The following CDH18 variants were observed in gnomAD, a reference collection of about 807,000 sequenced individuals.
CDH18 encodes cadherin 18, also known as cadherin-18.
A neutral mutation model predicts 67.9 loss-of-function variants in CDH18; 31 were observed. The observed-to-expected ratio is 0.46, with a 90% confidence interval of 0.34 to 0.62. The LOEUF (loss-of-function observed/expected upper bound fraction) is 0.62. CDH18 is among the 20% of genes least tolerant of loss of function. The pLI, the probability that CDH18 is intolerant of heterozygous loss-of-function variation, is 0.01. For missense variants in CDH18, 890 were observed against 975.5 expected, an observed-to-expected ratio of 0.91 and a Z score of 1.17; for synonymous variants, 362 against 347.2, an observed-to-expected ratio of 1.04 and a Z score of -0.48.
intron 1 of CDH18, among the ~76,000 whole-genome samples, chr5:20,575,146 G>T (rs1759046106): frequency 6.6e-6 from 1 of 151,758 alleles, no homozygotes; most frequent in African/African-American, 2.4e-5. Context: ...ATATTGTAAG[G>T]TTGTCACAAA....
intron 5 of CDH18, among the ~76,000 whole-genome samples, chr5:19,644,764 T>C (rs1321196237): frequency 6.6e-6 from 1 of 152,144 alleles, no homozygotes; most frequent in African/African-American, 2.4e-5. Context: ...ACCTCTGAAA[T>C]GGTAATGCCA....
intron 2 of CDH18, among the ~76,000 whole-genome samples, chr5:20,207,625 A>G (rs1484532981): frequency 6.6e-6 from 1 of 152,052 alleles, no homozygotes; most frequent in Non-Finnish European, 1.5e-5. Flanking sequence ...CCTATTCACT[A>G]TCATGAGAAC....
At chr5:19,989,630 C>T (rs555947644), upstream of CDH18, among the ~76,000 whole-genome samples, 74 of 152,098 alleles carry the variant, frequency 4.9e-4, no homozygotes, top group Non-Finnish European at 1.0e-3. Flanking sequence ...TTCTTCTTCC[C>T]TGAGAAAGAT....
At chr5:19,597,415 T>A (rs1746351785) in intron 6 of CDH18, among the ~76,000 whole-genome samples, 1 of 152,242 alleles carries the variant, frequency 6.6e-6, no homozygotes, top group Non-Finnish European at 1.5e-5. Flanking sequence ...ATACACACTT[T>A]TGCAGTAGTT....
intron 2 of CDH18, among the ~76,000 whole-genome samples, chr5:20,197,773 A>G (rs1180361098): frequency 1.3e-5 from 2 of 152,238 alleles, no homozygotes; most frequent in African/African-American, 4.8e-5. Flanking sequence ...ATGTACCATT[A>G]GAAAAACAGC....
chr5:19,774,524 TA>T (rs935637455), intron 3 of CDH18, among the ~76,000 whole-genome samples: 2 of 151,086 alleles, frequency 1.3e-5, no homozygotes, highest in Non-Finnish European at 2.9e-5. Flanking sequence ...TAAGCACGCT[TA>T]TGAAAGGGAC....
intron 5 of CDH18, among the ~76,000 whole-genome samples, chr5:19,702,975 T>C (rs545559260): frequency 6.6e-6 from 1 of 152,298 alleles, no homozygotes; most frequent in South Asian, 2.1e-4. Context: ...AGCCCATCCC[T>C]TTGTTTCCTG....
rs1228584814 is a variant in CDH18 at position 20,356,753 on chromosome 5, C to CTCTCTA, written c.-579-101249_-579-101248insTAGAGA. Among the ~76,000 whole-genome samples, 67 of 121,544 alleles carry CTCTCTA rather than the reference C, an allele frequency of 5.5e-4. 1 individual carries two copies. The highest frequency in any genetic ancestry group is 1.2e-3 in the African/African-American group (38 of 31,948). The allele number at this position is 121,544 out of a possible 152,430, so 79.7% of individuals were successfully genotyped here. Reference sequence around the variant, plus strand: ...TCTCTCTCTCTCTCTCTCTCTCTCTCTATATATATATATATATACACATGC... The same window carrying CTCTCTA: ...TCTCTCTCTCTCTCTCTCTCTCTCTCTCTCTATATATATATATATATATACACATGC... On this transcript the variant is annotated intron_variant, in intron 1 of 14. Coordinates refer to the CDH18 transcript ENST00000507958.
chr5:19,528,078 G>A (rs1366786633), intron 9 of CDH18, among the ~76,000 whole-genome samples: 2 of 151,676 alleles, frequency 1.3e-5, no homozygotes, highest in African/African-American at 4.8e-5. Context: ...TAAAGTAAAC[G>A]AAAAATATGT....
chr5:19,905,714 T>C (rs1053240547), intron 2 of CDH18, among the ~76,000 whole-genome samples: 17 of 151,970 alleles, frequency 1.1e-4, no homozygotes, highest in African/African-American at 4.1e-4. Flanking sequence ...TGACTTAGCA[T>C]AGAGCACGTG....
chr5:20,574,575 A>G (rs1216805519), intron 1 of CDH18, among the ~76,000 whole-genome samples: 1 of 152,102 alleles, frequency 6.6e-6, no homozygotes, highest in East Asian at 1.9e-4. Flanking sequence ...TTTTATCCTT[A>G]GCAGTTAATA....
intron 2 of CDH18, among the ~76,000 whole-genome samples, chr5:20,223,609 C>A (rs1033983604): frequency 4.6e-5 from 7 of 152,106 alleles, no homozygotes; most frequent in Non-Finnish European, 8.8e-5. Context: ...CAAAACTTAT[C>A]TTGAATTTTA....
At chr5:20,487,523 A>G (rs188571896) in intron 1 of CDH18, among the ~76,000 whole-genome samples, 15 of 150,956 alleles carry the variant, frequency 9.9e-5, no homozygotes, top group Admixed American at 9.3e-4. Context: ...GTATATACAT[A>G]TATCTATCTA....
intron 1 of CDH18, among the ~76,000 whole-genome samples, chr5:20,329,768 CAAAAAAA>C (rs60246535): frequency 9.6e-5 from 6 of 62,568 alleles, no homozygotes; most frequent in South Asian, 1.1e-3. Flanking sequence ...GAAACTCCAT[CAAAAAAA>C]AAAAAAAAAA....
At chr5:20,405,631 A>G (rs1324290844) in intron 1 of CDH18, among the ~76,000 whole-genome samples, 1 of 152,138 alleles carries the variant, frequency 6.6e-6, no homozygotes, top group Non-Finnish European at 1.5e-5. Context: ...AAAAGAAACT[A>G]CCATCAGAGT....
chr5:20,483,548 A>G (rs917734445), intron 1 of CDH18, among the ~76,000 whole-genome samples: 11 of 152,000 alleles, frequency 7.2e-5, no homozygotes, highest in Non-Finnish European at 1.5e-4. Flanking sequence ...CCAAAACAGC[A>G]TGGTACTGGC....
At chr5:20,389,828 A>G (rs1318492173) in intron 1 of CDH18, among the ~76,000 whole-genome samples, 3 of 152,164 alleles carry the variant, frequency 2.0e-5, no homozygotes, top group Non-Finnish European at 4.4e-5. Flanking sequence ...CTCAGAAACA[A>G]TGCTGCATAT....
chr5:19,965,434 A>G (rs1797330191), intron 2 of CDH18, among the ~76,000 whole-genome samples: 1 of 152,196 alleles, frequency 6.6e-6, no homozygotes, highest in Non-Finnish European at 1.5e-5. Context: ...TGGCTTGATG[A>G]CTTTACATAA....
At chr5:19,641,067 G>A (rs1753917373) in intron 5 of CDH18, among the ~76,000 whole-genome samples, 1 of 150,362 alleles carries the variant, frequency 6.7e-6, no homozygotes, top group African/African-American at 2.5e-5. Flanking sequence ...ACAATTATAG[G>A]CCAGCAAACT....
Sources: allele counts gnomAD v4.1 joint callset (sites outside exome capture counted in the v4.1 genomes callset), GRCh38; gene constraint gnomAD v4.1.1; transcripts MANE v1.5; gene names NCBI Gene and HGNC (gene_info 2026-07-23, HGNC 2026-07-21).